PCDH9: variants seen among roughly 807,000 people sequenced by gnomAD.
PCDH9 encodes protocadherin 9.
PCDH9 carries 24 observed loss-of-function variants against 70.6 expected under a neutral mutation model. That is an observed-to-expected ratio of 0.34 (90% CI 0.25 to 0.48). PCDH9 has a LOEUF of 0.48. Ranked by LOEUF, PCDH9 falls within the 20% of genes least tolerant of loss-of-function variation. The pLI is 0.99. For missense variants in PCDH9, 1,281 were observed against 1,503.6 expected (o/e 0.85, Z 2.45); for synonymous variants, 562 against 558.5 (o/e 1.01, Z -0.09).
At chr13:66,522,446 TACA>T (rs1457852634) in intron 4 of PCDH9, among the ~76,000 whole-genome samples, 28 of 152,228 alleles carry the variant, frequency 1.8e-4, no homozygotes, top group African/African-American at 6.0e-4. Flanking sequence ...GAAAGACAAT[TACA>T]ACAATTTTTT....
At chr13:66,365,859 AC>A (rs545374804) in intron 4 of PCDH9, among the ~76,000 whole-genome samples, 24 of 152,160 alleles carry the variant, frequency 1.6e-4, no homozygotes, top group African/African-American at 5.8e-4. Context: ...TTCTCCTTTT[AC>A]TTTGTTTCTC....
intron 3 of PCDH9, among the ~76,000 whole-genome samples, chr13:66,868,231 G>GATA (rs1427075291): frequency 1.3e-5 from 2 of 152,020 alleles, no homozygotes; most frequent in East Asian, 3.9e-4. Context: ...AGTCTATGAA[G>GATA]ATAACAGTAC....
At chr13:66,709,387 T>G (rs2078761741) in intron 3 of PCDH9, among the ~76,000 whole-genome samples, 1 of 152,226 alleles carries the variant, frequency 6.6e-6, no homozygotes, top group African/African-American at 2.4e-5. Context: ...GTTTCTGAAT[T>G]GAAACTTGTA....
intron 3 of PCDH9, among the ~76,000 whole-genome samples, chr13:66,711,392 C>CA (rs5804291): frequency 0.048 from 6,119 of 128,572 alleles, 369 homozygotes; most frequent in African/African-American, 0.16. Context: ...AAGAAAATTG[C>CA]AAAAAAAAAA....
At chr13:66,536,439 TTTG>T (rs773984326) in intron 4 of PCDH9, among the ~76,000 whole-genome samples, 5 of 152,080 alleles carry the variant, frequency 3.3e-5, no homozygotes, top group Non-Finnish European at 5.9e-5. Context: ...TTAGAAAATT[TTTG>T]TTGTGTTCTT....
intron 4 of PCDH9, among the ~76,000 whole-genome samples, chr13:66,414,873 C>T (rs374477584): frequency 1.7e-4 from 26 of 152,078 alleles, no homozygotes; most frequent in African/African-American, 6.3e-4. Context: ...ATGAACAAAG[C>T]CAAATGGATA....
At chr13:67,087,087 T>TA (rs36017495) in intron 2 of PCDH9, among the ~76,000 whole-genome samples, 38,810 of 123,518 alleles carry the variant, frequency 0.31, 5,910 homozygotes, top group Admixed American at 0.36. Context: ...TGATGTTTTG[T>TA]AAAAAAAAAA....
chr13:66,615,428 T>C (rs1332998672), intron 4 of PCDH9, among the ~76,000 whole-genome samples: 1 of 152,244 alleles, frequency 6.6e-6, no homozygotes, highest in East Asian at 1.9e-4. Flanking sequence ...CTTAAGTTAT[T>C]GTAAACCACA....
chr13:66,868,468 G>T (rs909873208), intron 3 of PCDH9, among the ~76,000 whole-genome samples: 1 of 151,860 alleles, frequency 6.6e-6, no homozygotes, highest in African/African-American at 2.4e-5. Flanking sequence ...ATTTACCAAT[G>T]TACTTTTACA....
intron 3 of PCDH9, among the ~76,000 whole-genome samples, chr13:66,849,517 T>TAGAGAGAGAGAGAGAGAGAGAGAGAG (rs58589562): frequency 6.3e-5 from 4 of 63,574 alleles, no homozygotes; most frequent in African/African-American, 3.3e-4. Flanking sequence ...TATATATATA[T>TAGAGAGAGAGAGAGAGAGAGAGAGAG]AGAGAGAGAG....
rs139568891 is a variant in PCDH9 at position 66,510,329 on chromosome 13, T to C, written c.3340+120881A>G. ...TAAAGCACCCAAGTCTTGAATAGTA[T>C]ATTATGATTAAAAATACATTTATAT... is the stretch of plus-strand genomic sequence containing the variant. On this transcript the variant is annotated intron_variant, in intron 4 of 4. Transcript: ENST00000377865. Among the ~76,000 whole-genome samples the C allele has an allele frequency of 4.0e-3, 603 of 151,872 alleles. 2 individuals are homozygous for C. The highest frequency in any genetic ancestry group is 0.014 in the African/African-American group (574 of 41,490).
At chr13:66,351,081 C>T (rs1433746401) in intron 4 of PCDH9, among the ~76,000 whole-genome samples, 1 of 152,126 alleles carries the variant, frequency 6.6e-6, no homozygotes, top group African/African-American at 2.4e-5. Flanking sequence ...TTTAAAATAA[C>T]TCTTATTACA....
At chr13:67,128,259 G>A (rs145227304) in intron 2 of PCDH9, among the ~76,000 whole-genome samples, 2,305 of 152,296 alleles carry the variant, frequency 0.015, 30 homozygotes, top group Non-Finnish European at 0.021. Context: ...AGTGTTTAGA[G>A]AAGCACATTT....
At chr13:66,572,601 C>T (rs997175821) in intron 4 of PCDH9, among the ~76,000 whole-genome samples, 2 of 152,096 alleles carry the variant, frequency 1.3e-5, no homozygotes, top group Admixed American at 6.6e-5. Flanking sequence ...TTTTCTTCAT[C>T]CATTCATCCA....
chr13:67,066,986 G>A (rs1278218815), intron 2 of PCDH9, among the ~76,000 whole-genome samples: 2 of 152,098 alleles, frequency 1.3e-5, no homozygotes, highest in African/African-American at 4.8e-5. Flanking sequence ...TAGCATTGTT[G>A]CCTATTAACA....
intron 2 of PCDH9, among the ~76,000 whole-genome samples, chr13:66,929,241 CTTATT>C (rs1271673276): frequency 1.3e-5 from 2 of 151,682 alleles, no homozygotes; most frequent in Non-Finnish European, 2.9e-5. Context: ...TACTAGATTT[CTTATT>C]TTATTATGAT....
At chr13:66,934,289 T>A (rs1341931155) in intron 2 of PCDH9, among the ~76,000 whole-genome samples, 1 of 152,150 alleles carries the variant, frequency 6.6e-6, no homozygotes, top group Non-Finnish European at 1.5e-5. Flanking sequence ...CCCAGCACTT[T>A]GGGAGGCTGA....
At chr13:66,468,241 T>C (rs930370430) in intron 4 of PCDH9, among the ~76,000 whole-genome samples, 5 of 152,026 alleles carry the variant, frequency 3.3e-5, no homozygotes, top group Admixed American at 1.3e-4. Flanking sequence ...GTTGCTTGTT[T>C]TTCTCACACA....
chr13:67,025,792 A>G (rs1404526615), intron 2 of PCDH9, among the ~76,000 whole-genome samples: 1 of 152,128 alleles, frequency 6.6e-6, no homozygotes, highest in Non-Finnish European at 1.5e-5. Flanking sequence ...CTTTATATGC[A>G]CTTTATTCAA....
Sources: allele counts gnomAD v4.1 joint callset (sites outside exome capture counted in the v4.1 genomes callset), GRCh38; gene constraint gnomAD v4.1.1; transcripts MANE v1.5; gene names NCBI Gene and HGNC (gene_info 2026-07-23, HGNC 2026-07-21).